The following CEP72 variants were observed in gnomAD, a reference collection of about 807,000 sequenced individuals.
CEP72 encodes centrosomal protein 72.
Under a neutral mutation model 65.7 loss-of-function variants are expected in CEP72, and 78 were observed. The ratio of observed to expected loss-of-function variants is 1.19; its 90% CI spans 0.99 to 1.43. CEP72 has a LOEUF of 1.43. Among genes scored for constraint, CEP72 ranks in the 40% most tolerant of loss-of-function variants. The probability of loss-of-function intolerance (pLI) is 0.00; values close to 1 mark genes in which losing one functional copy is unlikely to be tolerated. For synonymous variants in CEP72, 358 were observed against 351.7 expected, an observed-to-expected ratio of 1.02 and a Z score of -0.20; for missense variants, 914 against 832.9, an observed-to-expected ratio of 1.10 and a Z score of -1.20.
exon 4 of CEP72, chr5:666,030 C>G: frequency 3.1e-6 from 5 of 1,611,294 alleles, no homozygotes; most frequent in South Asian, 1.1e-5. Flanking sequence ...CGCGAACGGC[C>G]TCCTCGCTGC....
intron 4 of CEP72, chr5:666,259 G>T: frequency 1.0e-6 from 1 of 970,326 alleles, no homozygotes; most frequent in Non-Finnish European, 1.5e-6. Flanking sequence ...CGCCCTGGTA[G>T]CACTGCAAAT....
chr5:659,018 A>T (rs1341857885), downstream of CEP72, among the ~76,000 whole-genome samples: 1 of 152,048 alleles, frequency 6.6e-6, no homozygotes, highest in African/African-American at 2.4e-5. Flanking sequence ...CTGCCATCTC[A>T]TTTTGTGCTG....
In CEP72 at chr5:644,341, A is replaced by G; in HGVS notation, c.1582A>G (p.Ser528Gly). 3 of 1,613,924 alleles carry G rather than the reference A, an allele frequency of 1.9e-6. No individual in the cohort carries two copies. Among genetic ancestry groups the G allele is most frequent in the Non-Finnish European group, 1.7e-6 (2 of 1,179,932 alleles). Residue 528 changes from serine to glycine, a missense_variant, in exon 10 of 12, where the codon AGT becomes GGT. Physicochemically the swap from Ser to Gly is moderately conservative, Grantham distance 56. Transcript: ENST00000264935. Reference protein sequence around the residue: ...QHLDKSLEENSRLKSLLLSMK... With the variant: ...QHLDKSLEENGRLKSLLLSMK... ...TTTAGATAAATCTTTGGAAGAGAAC[A>G]GTAGGTTAAAATCGCTTTTGTTGAG...
chr5:639,241 A>G lies in CEP72; in HGVS notation c.1342+17A>G, dbSNP rs1390567283. The G allele has an allele frequency of 1.9e-6, 3 of 1,556,780 alleles. No homozygotes were observed. In the South Asian group the frequency reaches 3.6e-5, roughly 19 times the overall value. ...CATTCCTTGGTGAGTCAGGGCGGCC[A>G]CTGCTCTTGCCCTGTAGGCAGCGTC... On this transcript the variant is annotated intron_variant, in intron 8 of 11. Coordinates refer to ENST00000264935, the MANE Select transcript of CEP72 (RefSeq NM_018140.4).
intron 9 of CEP72, chr5:641,209 C>T (rs866387443): frequency 2.1e-5 from 21 of 985,218 alleles, no homozygotes; most frequent in Middle Eastern, 5.2e-4. Flanking sequence ...TGAGGCCTCA[C>T]GGGACAGGAT....
intron 5 of CEP72, 75 bp from the exon 6 acceptor site, chr5:635,297 C>A: frequency 8.4e-7 from 1 of 1,196,724 alleles, no homozygotes; most frequent in Non-Finnish European, 1.2e-6. Context: ...TATTCAGAAG[C>A]TTAAAATGTA....
At chr5:658,344 C>T (rs993523763), downstream of CEP72, among the ~76,000 whole-genome samples, 50 of 152,240 alleles carry the variant, frequency 3.3e-4, no homozygotes, top group Non-Finnish European at 6.3e-4. Flanking sequence ...TGAGGCCTCC[C>T]GGCCTCCTCC....
intron 11 of CEP72, among the ~76,000 whole-genome samples, chr5:648,549 G>A (rs1738598416): frequency 7.0e-6 from 1 of 143,830 alleles, no homozygotes; most frequent in Non-Finnish European, 1.5e-5. Context: ...ACTGTGAGGT[G>A]TGACTGTGAG....
chr5:623,625 CG>C lies in CEP72; in HGVS notation c.404-842del, dbSNP rs940766679. ...GGCAGAGAGCTATGCGTCGTTAGTG[CG>C]GGGCTGGTGAAGGCCGGGGTGGAAA... On this transcript the variant is annotated intron_variant, in intron 3 of 11. Coordinates refer to ENST00000264935, the MANE Select transcript of CEP72 (RefSeq NM_018140.4). This position sits in a 1 kb window ranked among gnomAD's most constrained non-coding sequence, Gnocchi z 5.3. Among the ~76,000 whole-genome samples, 8 of 147,870 alleles carry C rather than the reference CG, an allele frequency of 5.4e-5. No individual in the cohort carries two copies. The highest frequency in any genetic ancestry group is 2.0e-4 in the African/African-American group (8 of 40,358).
chr5:644,277 A>G (rs1373067153), intron 9 of CEP72, 22 bp from the exon 10 acceptor site: 1 of 1,609,840 alleles, frequency 6.2e-7, no homozygotes, highest in Non-Finnish European at 8.5e-7. Flanking sequence ...TGTGCACTTA[A>G]GTGTATTTTC....
At position 637,836 on chromosome 5, in the gene CEP72, G is replaced by A. The variant is rs913137899; in HGVS notation, c.1206+18G>A. On this transcript the variant is annotated intron_variant, in intron 7 of 11. Coordinates refer to ENST00000264935, the MANE Select transcript of CEP72 (RefSeq NM_018140.4). ...CCAGAGAGGTGAGAGAAGGGCTGGG[G>A]AGCAGCAGGCCCACGGCACTGCCTC... 4.2e-5 allele frequency: 63 copies of A among 1,515,066 alleles called. No homozygotes were observed. The highest frequency in any genetic ancestry group is 5.3e-5 in the Non-Finnish European group (60 of 1,128,772). The allele number at this position is 1,515,066 out of a possible 1,614,324, so 93.9% of individuals were successfully genotyped here.
In CEP72 at chr5:647,933, C is replaced by T. The variant is rs1443307592; in HGVS notation, c.1778+17C>T. 3.8e-6 allele frequency: 6 copies of T among 1,587,780 alleles called. No homozygotes were observed. The highest frequency in any genetic ancestry group is 3.4e-5 in the Admixed American group (2 of 59,254). Reference sequence around the variant, plus strand: ...GAGCCACAGGTGCCTGCCCGTGAGACTTGGGTGGGCCCCCGAGGGGAGGAG... The same window carrying T: ...GAGCCACAGGTGCCTGCCCGTGAGATTTGGGTGGGCCCCCGAGGGGAGGAG... On this transcript the variant is annotated intron_variant, in intron 11 of 11. Coordinates refer to ENST00000264935, the MANE Select transcript of CEP72 (RefSeq NM_018140.4).
intron 4 of CEP72, among the ~76,000 whole-genome samples, chr5:629,030 C>T (rs1363925449): frequency 3.3e-5 from 5 of 151,982 alleles, no homozygotes; most frequent in South Asian, 2.1e-4. Flanking sequence ...TCGCAGGCCC[C>T]GGGGAGTGGG....
At chr5:651,447 A>C (rs1330960815) in intron 11 of CEP72, among the ~76,000 whole-genome samples, 1 of 151,888 alleles carries the variant, frequency 6.6e-6, no homozygotes, top group Non-Finnish European at 1.5e-5. Flanking sequence ...CAGGGGAGAG[A>C]GGTGCATGAG....
At chr5:652,466 G>A (rs115243122) in intron 11 of CEP72, among the ~76,000 whole-genome samples, 35 of 152,290 alleles carry the variant, frequency 2.3e-4, no homozygotes, top group African/African-American at 7.9e-4. Context: ...AGGGCAATTT[G>A]GAGGTGACAA....
chr5:634,719 T>G (rs1175010747), intron 5 of CEP72, among the ~76,000 whole-genome samples: 2 of 152,144 alleles, frequency 1.3e-5, no homozygotes, highest in Non-Finnish European at 2.9e-5. Flanking sequence ...GTTGCTTCTC[T>G]TAGTATTGAG....
intron 2 of CEP72, chr5:665,014 C>G (rs939895229): frequency 1.3e-5 from 19 of 1,473,220 alleles, no homozygotes; most frequent in East Asian, 2.3e-5. Context: ...GAGTTCTGCC[C>G]CAGTTAGTAC....
chr5:618,071 G>A (rs1266157568), intron 1 of CEP72, among the ~76,000 whole-genome samples: 2 of 152,140 alleles, frequency 1.3e-5, no homozygotes, highest in African/African-American at 4.8e-5. Context: ...GTTACCCGAC[G>A]AGTGGGTTTC....
rs760531235 is a variant in CEP72, at chr5:633,953, C to T, written c.691+6C>T. On this transcript the variant is annotated splice_donor_region_variant and intron_variant, in intron 5 of 11. Coordinates refer to ENST00000264935, the MANE Select transcript of CEP72 (RefSeq NM_018140.4). ...CGACTCTCGTGGTTCCCAAGGTGCG[C>T]TGCTCATCTGCCAGGAGGCCAGTGG... 2.5e-6 allele frequency: 4 copies of T among 1,610,008 alleles called. No individual in the cohort carries two copies. Among genetic ancestry groups the T allele is most frequent in the Non-Finnish European group, 3.4e-6 (4 of 1,179,656 alleles).
Sources: allele counts gnomAD v4.1 joint callset (sites outside exome capture counted in the v4.1 genomes callset), GRCh38; gene constraint gnomAD v4.1.1; non-coding constraint Gnocchi (gnomAD v3.1); transcripts MANE v1.5; gene names NCBI Gene and HGNC (gene_info 2026-07-23, HGNC 2026-07-21).